Variants in RNPS1 observed in about 807,000 individuals in gnomAD.
The protein encoded by RNPS1 is RNA binding protein with serine rich domain 1.
For synonymous variants in RNPS1, 147 were observed against 150.0 expected (o/e 0.98, Z 0.15); for missense variants, 300 against 427.6 (o/e 0.70, Z 2.63).
At chr16:2,255,179 A>C (rs912624613) in intron 7 of RNPS1, among the ~76,000 whole-genome samples, 2 of 152,222 alleles carry the variant, frequency 1.3e-5, no homozygotes, top group African/African-American at 4.8e-5. Context: ...AGCACAGCTC[A>C]CCACCGGCAA....
intron 6 of RNPS1, among the ~76,000 whole-genome samples, chr16:2,261,760 T>A (rs1024419746): frequency 2.6e-5 from 4 of 152,186 alleles, no homozygotes; most frequent in African/African-American, 9.7e-5. Flanking sequence ...GCCAGTTTTA[T>A]TGGGAAGAAA....
chr16:2,260,446 T>C (rs1422064070), intron 6 of RNPS1, among the ~76,000 whole-genome samples: 1 of 152,176 alleles, frequency 6.6e-6, no homozygotes, highest in Non-Finnish European at 1.5e-5. Context: ...AGCAATATAG[T>C]TATTTGCGTA....
chr16:2,260,458 G>A (rs1304161259), intron 6 of RNPS1, among the ~76,000 whole-genome samples: 1 of 152,142 alleles, frequency 6.6e-6, no homozygotes, highest in Admixed American at 6.5e-5. Flanking sequence ...ATTTGCGTAA[G>A]TGCAATAAAA....
intron 6 of RNPS1, chr16:2,258,144 A>G (rs1396369092): frequency 1.3e-5 from 2 of 152,254 alleles, no homozygotes; most frequent in South Asian, 2.1e-4. Context: ...GTATAGATTC[A>G]GTAAATCCAG....
rs2093608462 is a variant in RNPS1 at position 2,262,778 on chromosome 16, T to C, written c.484A>G (p.Lys162Glu). 6.2e-7 allele frequency: 1 copy of C among 1,613,550 alleles called. No homozygotes were observed. Among genetic ancestry groups the C allele is most frequent in the Non-Finnish European group, 8.5e-7 (1 of 1,180,030 alleles). The part of the protein sequence containing the change: ...KRRSPSPKPT[K>E]VHIGRLTRNV... Reference sequence around the variant, plus strand: ...CGGGTGAGTCTCCCAATGTGCACTTTGGTGGGCTTAGGAGATGGGCTCCGC... The same window carrying C: ...CGGGTGAGTCTCCCAATGTGCACTTCGGTGGGCTTAGGAGATGGGCTCCGC... The change falls in exon 5 of 8, where the codon AAA becomes GAA. Residue 162 changes from lysine (K) to glutamate (E), a missense_variant. By Grantham distance (56) the Lys-to-Glu change is moderately conservative. Coordinates refer to ENST00000320225, the MANE Select transcript of RNPS1 (RefSeq NM_080594.4).
chr16:2,255,209 C>A (rs2093572293), intron 7 of RNPS1, among the ~76,000 whole-genome samples: 1 of 152,232 alleles, frequency 6.6e-6, no homozygotes, highest in African/African-American at 2.4e-5. Context: ...AAACTGTGGC[C>A]TCTGCCGAGG....
intron 6 of RNPS1, chr16:2,256,003 T>C (rs756645742): frequency 7.6e-6 from 3 of 395,470 alleles, no homozygotes; most frequent in African/African-American, 4.3e-5. Context: ...CGGGCGCCTA[T>C]AGTACCAGCT....
chr16:2,261,263 T>TG (rs905744225), intron 6 of RNPS1, among the ~76,000 whole-genome samples: 6 of 152,342 alleles, frequency 3.9e-5, no homozygotes, highest in African/African-American at 1.4e-4. Flanking sequence ...CCCTGTAAAC[T>TG]GAAGACTAAA....
At chr16:2,254,481 T>G (rs1025199873) in intron 7 of RNPS1, among the ~76,000 whole-genome samples, 2 of 151,810 alleles carry the variant, frequency 1.3e-5, no homozygotes, top group African/African-American at 4.8e-5. Context: ...TTTTTTTTAG[T>G]AGTGACGGGG....
At chr16:2,263,411 C>T in intron 3 of RNPS1, 124 bp from the exon 4 acceptor site, 1 of 888,956 alleles carries the variant, frequency 1.1e-6, no homozygotes, top group Non-Finnish European at 1.8e-6. Flanking sequence ...GGCCTCACTG[C>T]TTTCAGCAGT....
In RNPS1 at chr16:2,254,425, C is replaced by T. The variant is rs367829402; in HGVS notation, c.819-362G>A. Among the ~76,000 whole-genome samples, 60 of 152,264 alleles carry T rather than the reference C, an allele frequency of 3.9e-4. 1 individual carries two copies. Among genetic ancestry groups the T allele is most frequent in the African/African-American group, 1.4e-3 (60 of 41,566 alleles). On this transcript the variant is annotated intron_variant, in intron 7 of 7. Transcript: ENST00000320225. ...TCTCCTGCCTCAGCCTCCCGAGTAACTGGGACTACAGGCACACGCCACCAC... is the reference window on the plus strand; with the variant it reads ...TCTCCTGCCTCAGCCTCCCGAGTAATTGGGACTACAGGCACACGCCACCAC...
In RNPS1 at chr16:2,261,497, TAATA is replaced by T. The variant is rs780600278; in HGVS notation, c.676+777_676+780del. Among the ~76,000 whole-genome samples, 15 of 152,346 alleles carry T rather than the reference TAATA, an allele frequency of 9.8e-5. 1 individual carries two copies. Among genetic ancestry groups the T allele is most frequent in the African/African-American group, 2.4e-4 (10 of 41,572 alleles). On this transcript the variant is annotated intron_variant, in intron 6 of 7. Transcript: ENST00000320225. ...TTCATCTCCCTACGATTCTCGTGAT[TAATA>T]AATACATATACATGCATGATAAAAA...
At chr16:2,263,637 G>C (rs1374066160) in intron 3 of RNPS1, among the ~76,000 whole-genome samples, 1 of 152,130 alleles carries the variant, frequency 6.6e-6, no homozygotes, top group Admixed American at 6.5e-5. Context: ...TTTTTCTTTT[G>C]AGACAGGGTC....
rs978290751 is a variant in RNPS1 at position 2,253,187 on chromosome 16, T to C, written c.*777A>G. 1.3e-5 allele frequency: 2 copies of C among 152,396 alleles called. No homozygotes were observed. Among genetic ancestry groups the C allele is most frequent in the African/African-American group, 4.8e-5 (2 of 41,366 alleles). The allele number at this position is 152,396 out of a possible 1,614,324, so 9.4% of individuals were successfully genotyped here. A position where few individuals can be genotyped will look rare whatever the true frequency, so the allele number is the denominator to read the frequency against. The stretch of plus-strand genomic sequence containing the variant: ...TCTACACAACAAAGTACAAACACAA[T>C]GTCATCTAAAATGCTACAAAGGTAT... On this transcript the variant is annotated 3_prime_UTR_variant, in exon 8 of 8. Coordinates refer to ENST00000320225, the MANE Select transcript of RNPS1 (RefSeq NM_080594.4).
chr16:2,258,460 C>G (rs1245687164), intron 6 of RNPS1: 1 of 152,260 alleles, frequency 6.6e-6, no homozygotes, highest in Non-Finnish European at 1.5e-5. Flanking sequence ...CGCGTTGGCT[C>G]ACGCCTGTAA....
chr16:2,267,578 C>G (rs1041750614), intron 1 of RNPS1: 75 of 1,062,142 alleles, frequency 7.1e-5, no homozygotes, highest in Middle Eastern at 4.4e-4. Context: ...GGCCGACCTT[C>G]CACCGCATCC....
chr16:2,264,928 C>A (rs1057056276), intron 1 of RNPS1, 168 bp from the exon 2 acceptor site: 10 of 382,324 alleles, frequency 2.6e-5, no homozygotes, highest in Non-Finnish European at 4.1e-5. Context: ...CTCCTGGAGG[C>A]GTCTCTACCC....
intron 1 of RNPS1, 80 bp from the exon 2 acceptor site, chr16:2,264,840 C>T (rs2093618619): frequency 8.2e-7 from 1 of 1,219,370 alleles, no homozygotes. Context: ...AAGCTGAGCA[C>T]ACAAAAAGGC....
chr16:2,259,409 T>C (rs1050995778), intron 6 of RNPS1, among the ~76,000 whole-genome samples: 2 of 152,244 alleles, frequency 1.3e-5, no homozygotes, highest in African/African-American at 4.8e-5. Context: ...GTCAATTGTG[T>C]CTTTAACTAT....
Sources: allele counts gnomAD v4.1 joint callset (sites outside exome capture counted in the v4.1 genomes callset), GRCh38; gene constraint gnomAD v4.1.1; transcripts MANE v1.5; gene names NCBI Gene and HGNC (gene_info 2026-07-23, HGNC 2026-07-21).